BCAS3: variants seen among roughly 807,000 people sequenced by gnomAD.
BCAS3 encodes BCAS3 microtubule associated cell migration factor, also known as BCAS4/BCAS3 fusion.
In BCAS3, 53 loss-of-function variants were observed where a neutral mutation model predicts 116.1. That is an observed-to-expected ratio of 0.46 (90% CI 0.37 to 0.57). BCAS3 has a LOEUF of 0.57. Among genes scored for constraint, BCAS3 ranks in the 20% least tolerant of loss-of-function variants. BCAS3 has a pLI of 0.00. For missense variants in BCAS3, 917 were observed against 1,165.4 expected (o/e 0.79, Z 3.10); for synonymous variants, 391 against 408.2 (o/e 0.96, Z 0.51).
At chr17:60,722,746 C>T (rs148189602) in intron 5 of BCAS3, among the ~76,000 whole-genome samples, 4,489 of 138,512 alleles carry the variant, frequency 0.032, 227 homozygotes, top group African/African-American at 0.11. Context: ...GGTGACAGAG[C>T]GAGACTCTGT....
Position 61,352,589 on chromosome 17 carries a change from G to A in BCAS3, c.2426-15738G>A, listed in dbSNP as rs371066847. Among the ~76,000 whole-genome samples the A allele has an allele frequency of 4.5e-4, 68 of 152,244 alleles. 1 individual carries two copies. The South Asian group carries it at 0.012, about 26-fold the overall frequency. ...GACCCCACACTCGAGCCACAGCCTC[G>A]GAATCTCTTTACCCGTAGGCGCCAC... On this transcript the variant is annotated intron_variant, in intron 22 of 23. Coordinates refer to ENST00000407086, the MANE Select transcript of BCAS3 (RefSeq NM_017679.5). The surrounding 1 kb of genome is among the most constrained non-coding windows in gnomAD (Gnocchi z 4.7).
intron 6 of BCAS3, among the ~76,000 whole-genome samples, chr17:60,802,290 A>C (rs2047858080): frequency 7.2e-6 from 1 of 138,254 alleles, no homozygotes; most frequent in Non-Finnish European, 1.5e-5. Context: ...TCTCAAAAAA[A>C]AAAAAATATA....
At chr17:61,197,699 C>T (rs1437326619) in intron 22 of BCAS3, among the ~76,000 whole-genome samples, 4 of 152,132 alleles carry the variant, frequency 2.6e-5, no homozygotes, top group Admixed American at 2.6e-4. Context: ...ACACAGAGGA[C>T]CCTATACTGA....
intron 10 of BCAS3, among the ~76,000 whole-genome samples, chr17:60,900,660 T>C (rs1380140023): frequency 6.6e-6 from 1 of 152,184 alleles, no homozygotes. Flanking sequence ...TATATCCCTT[T>C]CATTCACAAA....
rs1419286767 is a variant in BCAS3 at position 61,220,279 on chromosome 17, G to A, written c.2425+135715G>A. Among the ~76,000 whole-genome samples, 5 of 143,310 alleles carry A rather than the reference G, an allele frequency of 3.5e-5. No individual in the cohort carries two copies. Among genetic ancestry groups the A allele is most frequent in the African/African-American group, 1.1e-4 (4 of 38,004 alleles). 94.0% of individuals were successfully genotyped at this position (143,310 alleles called of 152,430 possible). On this transcript the variant is annotated intron_variant, in intron 22 of 23. Coordinates refer to ENST00000407086, the MANE Select transcript of BCAS3 (RefSeq NM_017679.5). The surrounding 1 kb of genome is among the most constrained non-coding windows in gnomAD (Gnocchi z 4.5). ...ACTGCACTTCAGCCTGGGCAACAGA[G>A]TGAGACTCCATCTCAAAAAACAAAC...
At chr17:61,237,478 C>T (rs532230180) in intron 22 of BCAS3, among the ~76,000 whole-genome samples, 4 of 152,304 alleles carry the variant, frequency 2.6e-5, no homozygotes, top group African/African-American at 9.6e-5. Context: ...ACTGAGGCCC[C>T]CTAGCAGGCT....
intron 7 of BCAS3, among the ~76,000 whole-genome samples, chr17:60,846,513 A>G (rs2052553652): frequency 6.6e-6 from 1 of 152,126 alleles, no homozygotes; most frequent in Non-Finnish European, 1.5e-5. Context: ...TCTTTCTATC[A>G]GTTGTTGAGA....
At chr17:61,062,065 C>T (rs1276649290) in intron 19 of BCAS3, among the ~76,000 whole-genome samples, 1 of 152,176 alleles carries the variant, frequency 6.6e-6, no homozygotes, top group Non-Finnish European at 1.5e-5. Context: ...TTTCCAACTT[C>T]TGTTGATATA....
chr17:61,187,716 CAT>C (rs2144207166), intron 22 of BCAS3, among the ~76,000 whole-genome samples: 1 of 152,260 alleles, frequency 6.6e-6, no homozygotes, highest in Non-Finnish European at 1.5e-5. Flanking sequence ...CTGGTGGCAA[CAT>C]GTGTCTGAAC....
chr17:61,119,599 T>A (rs1045475894), intron 22 of BCAS3, among the ~76,000 whole-genome samples: 2 of 152,058 alleles, frequency 1.3e-5, no homozygotes, highest in Non-Finnish European at 2.9e-5. Context: ...ACTCTTGGCA[T>A]TCCTCCTAAA....
intron 14 of BCAS3, among the ~76,000 whole-genome samples, chr17:60,982,938 A>G (rs2062901678): frequency 6.6e-6 from 1 of 152,190 alleles, no homozygotes; most frequent in Non-Finnish European, 1.5e-5. Flanking sequence ...GGATTCTGAA[A>G]TGTGGCCAAC....
At position 60,887,309 on chromosome 17, in the gene BCAS3, ACGGTG is replaced by A. The variant is rs2056770584; in HGVS notation, c.662-2384_662-2380del. 6 of 84,408 alleles carry A rather than the reference ACGGTG, an allele frequency of 7.1e-5. No homozygotes were observed. In the African/African-American group the frequency reaches 1.4e-3, roughly 20 times the overall value. 5.2% of individuals were successfully genotyped at this position (84,408 alleles called of 1,614,324 possible). A position where few individuals can be genotyped will look rare whatever the true frequency, so the allele number is the denominator to read the frequency against. Reference sequence around the variant, plus strand: ...TGCCTCGCCCTGCTTCGGCTCGCGCACGGTGCACGGTGCGTGCACCCACTGACCTG... The same window carrying A: ...TGCCTCGCCCTGCTTCGGCTCGCGCACACGGTGCGTGCACCCACTGACCTG... On this transcript the variant is annotated intron_variant, in intron 9 of 23. Transcript: ENST00000407086.
intron 19 of BCAS3, among the ~76,000 whole-genome samples, chr17:61,062,548 A>G (rs1306092180): frequency 6.6e-6 from 1 of 152,222 alleles, no homozygotes; most frequent in Non-Finnish European, 1.5e-5. Flanking sequence ...AATGAGTTGC[A>G]CTAGTGTGAG....
intron 9 of BCAS3, chr17:60,887,333 TG>T (rs2056777908): frequency 6.6e-6 from 1 of 150,964 alleles, no homozygotes; most frequent in Non-Finnish European, 1.5e-5. Flanking sequence ...GTGCACCCAC[TG>T]ACCTGCGCCC....
At position 60,778,925 on chromosome 17, in the gene BCAS3, A is replaced by G. The variant is rs954929306; in HGVS notation, c.404-29079A>G. On this transcript the variant is annotated intron_variant, in intron 6 of 23. Transcript: ENST00000407086. Reference sequence around the variant, plus strand: ...TGTATACATATTAACACATTTTTATAGTAAAATTTCCTTGTGTCTGAAGTA... The same window carrying G: ...TGTATACATATTAACACATTTTTATGGTAAAATTTCCTTGTGTCTGAAGTA... 3.3e-5 allele frequency among the ~76,000 whole-genome samples: 5 copies of G among 152,322 alleles called. No individual in the cohort carries two copies. The Middle Eastern group carries it at 0.01, about 311-fold the overall frequency.
At chr17:61,123,344 C>T (rs1317092783) in intron 22 of BCAS3, among the ~76,000 whole-genome samples, 4 of 152,088 alleles carry the variant, frequency 2.6e-5, no homozygotes, top group African/African-American at 4.8e-5. Flanking sequence ...CTGCCAATAT[C>T]GCTGTTCCCC....
Position 61,055,537 on chromosome 17 carries a change from G to A in BCAS3, c.2029+14645G>A, listed in dbSNP as rs575626014. 6.7e-4 allele frequency among the ~76,000 whole-genome samples: 102 copies of A among 152,206 alleles called. 2 individuals are homozygous for A. In the South Asian group the frequency reaches 0.021, roughly 31 times the overall value. On this transcript the variant is annotated intron_variant, in intron 19 of 23. Coordinates refer to ENST00000407086, the MANE Select transcript of BCAS3 (RefSeq NM_017679.5). ...GTCTCATTATCCATTTATAATAAGTGACCTCTGCCCCCTGGGTCATTGAAA... is the reference window on the plus strand; with the variant it reads ...GTCTCATTATCCATTTATAATAAGTAACCTCTGCCCCCTGGGTCATTGAAA...
chr17:61,105,789 T>C lies in BCAS3; in HGVS notation c.2425+21225T>C, dbSNP rs57899050. On this transcript the variant is annotated intron_variant, in intron 22 of 23. Coordinates refer to ENST00000407086, the MANE Select transcript of BCAS3 (RefSeq NM_017679.5). This position sits in a 1 kb window ranked among gnomAD's most constrained non-coding sequence, Gnocchi z 4.3. ...TTGGGAGAAAATGGAAAAAAAAAAG[T>C]TAGAGCTTTAGTACTGGTACACTTT... Among the ~76,000 whole-genome samples the C allele has an allele frequency of 2.0e-5, 3 of 148,110 alleles. No individual in the cohort carries two copies. Among genetic ancestry groups the C allele is most frequent in the African/African-American group, 7.4e-5 (3 of 40,702 alleles).
In BCAS3 at chr17:61,347,602, A is replaced by G. The variant is rs2057577320; in HGVS notation, c.2426-20725A>G. 6.6e-6 allele frequency among the ~76,000 whole-genome samples: 1 copy of G among 152,170 alleles called. No individual in the cohort carries two copies. Among genetic ancestry groups the G allele is most frequent in the African/African-American group, 2.4e-5 (1 of 41,448 alleles). On this transcript the variant is annotated intron_variant, in intron 22 of 23. Transcript: ENST00000407086. The surrounding 1 kb of genome is among the most constrained non-coding windows in gnomAD (Gnocchi z 4.3). Reference sequence around the variant, plus strand: ...GAAGAATAGGGCCATAAAATATTTTATTGCTTTTGTCTGTCTCCTTTACCA... The same window carrying G: ...GAAGAATAGGGCCATAAAATATTTTGTTGCTTTTGTCTGTCTCCTTTACCA...
Sources: gnomAD v4.1 joint callset for allele counts (sites outside exome capture counted in the v4.1 genomes callset) on GRCh38, gnomAD v4.1.1 for gene constraint, Gnocchi (gnomAD v3.1) non-coding constraint, MANE v1.5 for transcripts, NCBI Gene and HGNC (gene_info 2026-07-23, HGNC 2026-07-21) for gene names.